PUDP: variants seen among roughly 807,000 people sequenced by gnomAD.
PUDP encodes pseudouridine 5'-phosphatase, also known as pseudouridine-5'-phosphatase.
A neutral mutation model predicts 9.4 loss-of-function variants in PUDP; 8 were observed. The observed-to-expected ratio is 0.85, with a 90% CI of 0.50 to 1.53. The LOEUF (loss-of-function observed/expected upper bound fraction) is 1.53, where lower values mean the gene tolerates loss of function less well. PUDP is among the 40% of genes most tolerant of loss of function. The pLI is 0.00. For missense variants in PUDP, 188 were observed against 189.7 expected, an observed-to-expected ratio of 0.99 and a Z score of 0.05; for synonymous variants, 99 against 80.7, an observed-to-expected ratio of 1.23 and a Z score of -1.22.
At chrX:6,882,877 G>A (rs959757655) in intron 3 of PUDP, among the ~76,000 whole-genome samples, 1 of 111,408 alleles carries the variant, frequency 9.0e-6, no homozygotes, top group African/African-American at 3.3e-5. Flanking sequence ...GATCCATCAG[G>A]ATTCTAGGCA....
chrX:7,084,744 T>C (rs1393082962), intron 2 of PUDP: 2 of 111,549 alleles, frequency 1.8e-5, no homozygotes, highest in African/African-American at 6.6e-5. Context: ...AGATTTTAAG[T>C]GTTCTCCCCA....
At chrX:7,138,279 G>A (rs1351782931) in intron 1 of PUDP, among the ~76,000 whole-genome samples, 4 of 111,309 alleles carry the variant, frequency 3.6e-5, no homozygotes, top group African/African-American at 1.3e-4. Context: ...TGCAGGATGG[G>A]GTGAGATTTT....
chrX:6,767,705 T>G (rs1471323804), intron 3 of PUDP, among the ~76,000 whole-genome samples: 2 of 111,812 alleles, frequency 1.8e-5, no homozygotes, highest in Non-Finnish European at 3.8e-5. Flanking sequence ...CATAATGGAG[T>G]GGGCTCCTTG....
At chrX:6,872,518 G>A (rs1233979955) in intron 3 of PUDP, among the ~76,000 whole-genome samples, 1 of 108,998 alleles carries the variant, frequency 9.2e-6, no homozygotes, top group Non-Finnish European at 1.9e-5. Context: ...GGGCAACACG[G>A]TGAAACCCTG....
intron 3 of PUDP, among the ~76,000 whole-genome samples, chrX:7,066,907 A>G (rs746629109): frequency 1.1e-4 from 12 of 111,913 alleles, no homozygotes; most frequent in Middle Eastern, 9.2e-3. Flanking sequence ...ATGCATGCGC[A>G]CACACACACA....
intron 1 of PUDP, among the ~76,000 whole-genome samples, chrX:6,715,286 G>C (rs922770701): frequency 9.0e-6 from 1 of 110,591 alleles, no homozygotes; most frequent in African/African-American, 3.3e-5. Flanking sequence ...CCATTGTGTG[G>C]CTATGCTTTT....
At position 7,148,074 on chromosome X, in the gene PUDP, C is replaced by G; in HGVS notation, c.40G>C (p.Asp14His). 1 of 1,139,140 alleles carries G rather than the reference C, an allele frequency of 8.8e-7. No homozygotes were observed. The highest frequency in any genetic ancestry group is 1.2e-6 in the Non-Finnish European group (1 of 857,940). 93.9% of individuals were successfully genotyped at this position (1,139,140 alleles called of 1,213,427 possible). A position where few individuals can be genotyped will look rare whatever the true frequency, so the allele number is the denominator to read the frequency against. The change falls in exon 1 of 4, where the codon GAC (aspartate) becomes CAC (histidine). Residue 14 changes from aspartate to histidine, a missense_variant. Physicochemically the swap from Asp to His is moderately conservative, Grantham distance 81. Coordinates refer to ENST00000381077, the MANE Select transcript of PUDP (RefSeq NM_012080.5). ...CCACCCAGAAGAAGTCCGTCCATGT[C>G]AAAGATGAGGTGGGTGACGGGCTGC... Reference protein sequence around the residue: ...PPQPVTHLIFDMDGLLLDTER... With the variant: ...PPQPVTHLIFHMDGLLLDTER...
At chrX:6,820,829 C>T (rs1361276318) in intron 3 of PUDP, among the ~76,000 whole-genome samples, 1 of 111,423 alleles carries the variant, frequency 9.0e-6, no homozygotes, top group Admixed American at 9.5e-5. Flanking sequence ...TGCGAGCTGT[C>T]AGTGGATGTA....
At chrX:6,736,032 CAAA>C (rs35503536) in intron 3 of PUDP, among the ~76,000 whole-genome samples, 4 of 88,198 alleles carry the variant, frequency 4.5e-5, no homozygotes, top group Admixed American at 2.6e-4. Flanking sequence ...GACTTTGTCT[CAAA>C]AAAAAAAAAA....
At chrX:6,763,555 T>C (rs1326346766) in intron 3 of PUDP, among the ~76,000 whole-genome samples, 1 of 111,685 alleles carries the variant, frequency 9.0e-6, no homozygotes, top group Non-Finnish European at 1.9e-5. Context: ...AAGCCTAAAA[T>C]ATTCACTATT....
chrX:7,141,220 T>C (rs774360639), intron 1 of PUDP, among the ~76,000 whole-genome samples: 1 of 112,830 alleles, frequency 8.9e-6, no homozygotes, highest in Non-Finnish European at 1.9e-5. Flanking sequence ...CAGAAGCTGA[T>C]AGGCTGAAAG....
intron 3 of PUDP, among the ~76,000 whole-genome samples, chrX:6,749,048 G>A (rs998266984): frequency 8.9e-5 from 10 of 112,066 alleles, no homozygotes; most frequent in African/African-American, 3.2e-4. Context: ...ATGCACCCCA[G>A]AGGCGGCAGT....
At chrX:7,041,868 T>TC (rs1929926704) in intron 1 of PUDP, among the ~76,000 whole-genome samples, 1 of 11,394 alleles carries the variant, frequency 8.8e-5, no homozygotes, top group Non-Finnish European at 1.2e-4. Flanking sequence ...TCTCTCTCTC[T>TC]TTTTTTTTTT....
At chrX:6,925,036 C>A (rs891198840) in intron 3 of PUDP, among the ~76,000 whole-genome samples, 2 of 111,928 alleles carry the variant, frequency 1.8e-5, no homozygotes, top group African/African-American at 6.5e-5. Flanking sequence ...AATTTAAGGC[C>A]GGGCATGGTG....
intron 2 of PUDP, among the ~76,000 whole-genome samples, chrX:7,095,038 G>T (rs1226574691): frequency 8.9e-6 from 1 of 111,806 alleles, no homozygotes; most frequent in Non-Finnish European, 1.9e-5. Context: ...GAGCACTGGG[G>T]ACTTCTCCAC....
At chrX:6,806,105 C>T (rs928370369) in intron 3 of PUDP, among the ~76,000 whole-genome samples, 5 of 111,259 alleles carry the variant, frequency 4.5e-5, no homozygotes, top group South Asian at 3.9e-4. Context: ...AGAGAGACGT[C>T]TACTACCCTC....
chrX:6,730,425 C>T (rs1319844981), intron 3 of PUDP, among the ~76,000 whole-genome samples: 1 of 112,191 alleles, frequency 8.9e-6, no homozygotes, highest in Admixed American at 9.4e-5. Flanking sequence ...AGCCATTACA[C>T]AATCACAAAA....
At chrX:6,805,686 A>AT (rs1337010633) in intron 3 of PUDP, among the ~76,000 whole-genome samples, 1,596 of 100,591 alleles carry the variant, frequency 0.016, 37 homozygotes, top group African/African-American at 0.053. Flanking sequence ...CACGGGGCTA[A>AT]TTTTTTTTTT....
chrX:6,967,110 G>C (rs769244097), intron 3 of PUDP, among the ~76,000 whole-genome samples: 42 of 111,964 alleles, frequency 3.8e-4, no homozygotes, highest in Non-Finnish European at 5.8e-4. Context: ...CTCCTTTCAG[G>C]AAGCAGGAGT....
Sources: gnomAD v4.1 joint callset for allele counts (sites outside exome capture counted in the v4.1 genomes callset) on GRCh38, gnomAD v4.1.1 for gene constraint, MANE v1.5 for transcripts, NCBI Gene and HGNC (gene_info 2026-07-23, HGNC 2026-07-21) for gene names.